The following SKIC3 variants were observed in gnomAD, a reference collection of about 807,000 sequenced individuals.
SKIC3 encodes SKI3 subunit of superkiller complex.
At chr5:95,482,361 T>C in the SKIC3 span, 1 of 1,129,254 alleles carries the variant, frequency 8.9e-7, no homozygotes, top group East Asian at 2.4e-5. Flanking sequence ...AACTGAGAGA[T>C]AACATGGTGA....
the SKIC3 span, among the ~76,000 whole-genome samples, chr5:95,531,734 T>C: frequency 6.6e-6 from 1 of 152,146 alleles, no homozygotes; most frequent in African/African-American, 2.4e-5. Context: ...GGTCCAGATA[T>C]CATACTTAAA....
the SKIC3 span, among the ~76,000 whole-genome samples, chr5:95,506,114 ATCAACTTTTAAGTATTTTTT>A: frequency 2.6e-5 from 4 of 152,232 alleles, no homozygotes; most frequent in African/African-American, 9.6e-5. Flanking sequence ...TGACAGCTCT[ATCAACTTTTAAGTATTTTTT>A]TCAACTTTTA....
the SKIC3 span, among the ~76,000 whole-genome samples, chr5:95,473,493 C>T: frequency 2.6e-5 from 4 of 152,174 alleles, no homozygotes; most frequent in Admixed American, 6.5e-5. Context: ...CCAGGCTGGT[C>T]TTGAACTCCT....
At chr5:95,521,976 C>T in the SKIC3 span, 271 of 1,585,274 alleles carry the variant, frequency 1.7e-4, no homozygotes, top group Non-Finnish European at 2.3e-4. Flanking sequence ...TTATTCAATA[C>T]ATTTAGGCAG....
the SKIC3 span, among the ~76,000 whole-genome samples, chr5:95,526,469 C>CTT: frequency 5.3e-4 from 77 of 145,452 alleles, no homozygotes; most frequent in East Asian, 2.0e-4. Context: ...GTCTGACTGT[C>CTT]TTTTTTTTTT....
chr5:95,513,310 C>A, the SKIC3 span: 12 of 425,614 alleles, frequency 2.8e-5, no homozygotes, highest in Non-Finnish European at 5.2e-5. Context: ...AGGACTCAAT[C>A]CTCCTGCCTC....
At chr5:95,537,226 C>A in the SKIC3 span, 1 of 1,153,982 alleles carries the variant, frequency 8.7e-7, no homozygotes, top group Non-Finnish European at 1.3e-6. Flanking sequence ...ACAAACTACA[C>A]GTTCAATTAA....
chr5:95,530,589 T>C, the SKIC3 span, among the ~76,000 whole-genome samples: 1 of 152,144 alleles, frequency 6.6e-6, no homozygotes, highest in Non-Finnish European at 1.5e-5. Flanking sequence ...TCAAGTTCTC[T>C]TCCTGGGCAA....
the SKIC3 span, among the ~76,000 whole-genome samples, chr5:95,474,340 C>T: frequency 5.3e-5 from 8 of 152,038 alleles, no homozygotes; most frequent in East Asian, 1.9e-4. Context: ...AGTTTAGTTT[C>T]GTGGGATATG....
At chr5:95,464,957 C>G in the SKIC3 span, among the ~76,000 whole-genome samples, 1 of 125,544 alleles carries the variant, frequency 8.0e-6, no homozygotes, top group East Asian at 2.4e-4. Flanking sequence ...CGGAATCTCT[C>G]TCTGTCACCC....
At chr5:95,529,048 T>C in the SKIC3 span, 1 of 1,613,832 alleles carries the variant, frequency 6.2e-7, no homozygotes, top group Non-Finnish European at 8.5e-7. Flanking sequence ...CATTTTGACT[T>C]GGGCTTCTGC....
the SKIC3 span, among the ~76,000 whole-genome samples, chr5:95,470,844 A>G: frequency 6.6e-6 from 1 of 152,166 alleles, no homozygotes; most frequent in Non-Finnish European, 1.5e-5. Context: ...AGAAACAGTA[A>G]CAAACTAAAG....
chr5:95,483,416 A>T, the SKIC3 span, among the ~76,000 whole-genome samples: 1 of 152,190 alleles, frequency 6.6e-6, no homozygotes, highest in Non-Finnish European at 1.5e-5. Context: ...CCGACAAGGA[A>T]AGGTTCATTA....
the SKIC3 span, among the ~76,000 whole-genome samples, chr5:95,531,836 T>C: frequency 6.6e-6 from 1 of 152,282 alleles, no homozygotes; most frequent in South Asian, 2.1e-4. Flanking sequence ...CCTCTGTGGC[T>C]AAATGGTAAC....
the SKIC3 span, chr5:95,523,070 C>A: frequency 1.6e-6 from 2 of 1,249,718 alleles, no homozygotes; most frequent in African/African-American, 1.5e-5. Context: ...AAACAATAAA[C>A]ACCAATCAAT....
the SKIC3 span, chr5:95,482,560 C>T: frequency 1.2e-6 from 2 of 1,613,986 alleles, no homozygotes; most frequent in South Asian, 1.1e-5. Flanking sequence ...TTTGTGACTC[C>T]AGGAGTGGTT....
At chr5:95,541,348 T>A in the SKIC3 span, 4 of 1,613,690 alleles carry the variant, frequency 2.5e-6, no homozygotes, top group South Asian at 4.4e-5. Context: ...CACAAGTTTC[T>A]TGCAGACATC....
At chr5:95,469,679 T>C in the SKIC3 span, 2 of 1,520,656 alleles carry the variant, frequency 1.3e-6, no homozygotes, top group Non-Finnish European at 9.1e-7. Context: ...GTTAAATTGG[T>C]CTGTTACAAA....
At chr5:95,542,550 A>G in the SKIC3 span, among the ~76,000 whole-genome samples, 1 of 152,222 alleles carries the variant, frequency 6.6e-6, no homozygotes, top group Non-Finnish European at 1.5e-5. Flanking sequence ...AAGAACGATC[A>G]GATATCCTAA....
Sources: gnomAD v4.1 joint callset for allele counts (sites outside exome capture counted in the v4.1 genomes callset) on GRCh38, gnomAD v4.1.1 for gene constraint, MANE v1.5 for transcripts, NCBI Gene and HGNC (gene_info 2026-07-23, HGNC 2026-07-21) for gene names.